The following MEOX2 variants were observed in gnomAD, a reference collection of about 807,000 sequenced individuals.
MEOX2 encodes the protein homeobox protein MOX-2.
Under a neutral mutation model 27.0 loss-of-function variants are expected in MEOX2, and 11 were observed. The ratio of observed to expected loss-of-function variants is 0.41; its 90% confidence interval spans 0.26 to 0.68. The LOEUF (loss-of-function observed/expected upper bound fraction) is 0.68, where lower values mean the gene tolerates loss of function less well. MEOX2 is among the 30% of genes least tolerant of loss of function. MEOX2 has a pLI of 0.33. For missense variants in MEOX2, 436 were observed against 385.4 expected (o/e 1.13, Z -1.10); for synonymous variants, 189 against 155.4 (o/e 1.22, Z -1.61).
In MEOX2 at chr7:15,613,070, A is replaced by T. The variant is rs146346097; in HGVS notation, c.691-459T>A. ...GATTAAGCGGCATCTGAAAGGCCATACTCTGCCATCAGAAACTACTGCTGC... is the reference window on the plus strand; with the variant it reads ...GATTAAGCGGCATCTGAAAGGCCATTCTCTGCCATCAGAAACTACTGCTGC... On this transcript the variant is annotated intron_variant, in intron 2 of 2. Coordinates refer to ENST00000262041, the MANE Select transcript of MEOX2 (RefSeq NM_005924.5). 4.6e-3 allele frequency among the ~76,000 whole-genome samples: 697 copies of T among 152,296 alleles called. 7 individuals carry two copies. The highest frequency in any genetic ancestry group is 5.9e-3 in the Non-Finnish European group (401 of 68,026).
chr7:15,679,049 C>A (rs1479001345), intron 1 of MEOX2: 2 of 152,134 alleles, frequency 1.3e-5, no homozygotes, highest in Non-Finnish European at 2.9e-5. Context: ...CTTCACAAAA[C>A]TATATATGCT....
chr7:15,628,705 C>T lies in MEOX2; in HGVS notation c.518-1787G>A, dbSNP rs79487264. Among the ~76,000 whole-genome samples, 704 of 152,216 alleles carry T rather than the reference C, an allele frequency of 4.6e-3. 9 individuals are homozygous for T. Among genetic ancestry groups the T allele is most frequent in the Non-Finnish European group, 4.7e-3 (322 of 67,984 alleles). On this transcript the variant is annotated intron_variant, in intron 1 of 2. Transcript: ENST00000262041. ...CCATGTTTACATGGTGCCAACTTAC[C>T]TGGCTGCAAGGATGGAAACTGCAGT...
At chr7:15,684,559 G>T (rs958138848) in intron 1 of MEOX2, among the ~76,000 whole-genome samples, 1 of 152,150 alleles carries the variant, frequency 6.6e-6, no homozygotes, top group Non-Finnish European at 1.5e-5. Flanking sequence ...TAGTAACGCT[G>T]AAGAACAATT....
At chr7:15,628,445 C>G (rs6953784) in intron 1 of MEOX2, among the ~76,000 whole-genome samples, 99,189 of 151,628 alleles carry the variant, frequency 0.65, 32,678 homozygotes, top group East Asian at 0.8. Flanking sequence ...GGATCACAGA[C>G]TGTTTCACTC....
intron 1 of MEOX2, among the ~76,000 whole-genome samples, chr7:15,655,314 C>A (rs546125472): frequency 6.6e-6 from 1 of 151,566 alleles, no homozygotes; most frequent in Non-Finnish European, 1.5e-5. Flanking sequence ...TTTTAAAAAT[C>A]ATTTCAAAGA....
chr7:15,636,761 A>G (rs1226351995), intron 1 of MEOX2, among the ~76,000 whole-genome samples: 6 of 152,056 alleles, frequency 3.9e-5, no homozygotes, highest in African/African-American at 1.4e-4. Context: ...CCAGAAATTT[A>G]TTTCCTACAA....
At position 15,686,492 on chromosome 7, in the gene MEOX2, AT is replaced by A. The variant is rs33970897; in HGVS notation, c.-91del. The A allele has an allele frequency of 1.8e-3, 1,819 of 1,020,878 alleles. No homozygotes were observed. The highest frequency in any genetic ancestry group is 2.7e-3 in the South Asian group (150 of 55,566). The allele number at this position is 1,020,878 out of a possible 1,614,324, so 63.2% of individuals were successfully genotyped here. A position where few individuals can be genotyped will look rare whatever the true frequency, so the allele number is the denominator to read the frequency against. On this transcript the variant is annotated 5_prime_UTR_variant, in exon 1 of 3. Transcript: ENST00000262041. ...TCACTTTTTCACTGGAAACCGTGTG[AT>A]TTTTTTTTTAACCTCCCAAAGCAAT... is the stretch of plus-strand genomic sequence containing the variant.
At chr7:15,650,598 G>T (rs1323979851) in intron 1 of MEOX2, among the ~76,000 whole-genome samples, 1 of 152,038 alleles carries the variant, frequency 6.6e-6, no homozygotes, top group Non-Finnish European at 1.5e-5. Flanking sequence ...CTATGTGCCA[G>T]TAACTGTGCA....
intron 1 of MEOX2, among the ~76,000 whole-genome samples, chr7:15,660,117 G>C (rs193016351): frequency 6.6e-6 from 1 of 152,158 alleles, no homozygotes; most frequent in Non-Finnish European, 1.5e-5. Context: ...TCCTGAACTA[G>C]ATCTTAAAGA....
chr7:15,668,615 AG>A (rs1427582905), intron 1 of MEOX2, among the ~76,000 whole-genome samples: 1 of 151,892 alleles, frequency 6.6e-6, no homozygotes, highest in Non-Finnish European at 1.5e-5. Flanking sequence ...CTGAGTAGCT[AG>A]GATTACAGGC....
intron 1 of MEOX2, among the ~76,000 whole-genome samples, chr7:15,667,169 T>C (rs1010694785): frequency 3.3e-5 from 5 of 150,836 alleles, no homozygotes; most frequent in African/African-American, 9.7e-5. Context: ...CACACGCCTG[T>C]TGTCCCAGCT....
intron 2 of MEOX2, among the ~76,000 whole-genome samples, chr7:15,612,931 T>G (rs989945342): frequency 6.6e-6 from 1 of 152,232 alleles, no homozygotes; most frequent in African/African-American, 2.4e-5. Context: ...TTCTGTGAAT[T>G]GGAGCTAACA....
intron 1 of MEOX2, among the ~76,000 whole-genome samples, chr7:15,666,344 T>C (rs1316280094): frequency 3.9e-5 from 6 of 152,226 alleles, no homozygotes; most frequent in African/African-American, 1.2e-4. Context: ...GAAAATCTCC[T>C]GCCTTTCACT....
At chr7:15,663,729 T>G (rs926232541) in intron 1 of MEOX2, among the ~76,000 whole-genome samples, 3 of 152,170 alleles carry the variant, frequency 2.0e-5, no homozygotes, top group Non-Finnish European at 4.4e-5. Context: ...GTTGGGACTA[T>G]TATAAATTAA....
chr7:15,673,998 T>C (rs956521529), intron 1 of MEOX2, among the ~76,000 whole-genome samples: 3 of 152,024 alleles, frequency 2.0e-5, no homozygotes, highest in Non-Finnish European at 4.4e-5. Context: ...TATGTGTATA[T>C]AGATAGATAG....
At chr7:15,646,506 T>C (rs930596412) in intron 1 of MEOX2, among the ~76,000 whole-genome samples, 1 of 152,032 alleles carries the variant, frequency 6.6e-6, no homozygotes, top group African/African-American at 2.4e-5. Flanking sequence ...GTATAGTCAG[T>C]AAAATCCATG....
At chr7:15,646,243 A>T (rs1398757166) in intron 1 of MEOX2, among the ~76,000 whole-genome samples, 1 of 152,058 alleles carries the variant, frequency 6.6e-6, no homozygotes, top group Admixed American at 6.5e-5. Flanking sequence ...ACGTGAAAGT[A>T]TTTTATAAAC....
chr7:15,672,956 A>C (rs1288733082), intron 1 of MEOX2, among the ~76,000 whole-genome samples: 1 of 152,160 alleles, frequency 6.6e-6, no homozygotes, highest in East Asian at 1.9e-4. Flanking sequence ...ACAAACACAG[A>C]TAATTAAACT....
chr7:15,677,654 G>A (rs922970693), intron 1 of MEOX2: 16 of 152,172 alleles, frequency 1.1e-4, no homozygotes, highest in African/African-American at 3.9e-4. Flanking sequence ...TCTGGTAAGA[G>A]GTCCCTGCAT....
Sources: allele counts gnomAD v4.1 joint callset (sites outside exome capture counted in the v4.1 genomes callset), GRCh38; gene constraint gnomAD v4.1.1; transcripts MANE v1.5; gene names NCBI Gene and HGNC (gene_info 2026-07-23, HGNC 2026-07-21).